Variants in FAM186A observed in about 807,000 individuals in gnomAD.
The protein encoded by FAM186A is protein FAM186A.
FAM186A carries 163 observed loss-of-function variants against 216.8 expected under a neutral mutation model. The observed-to-expected ratio is 0.75, with a 90% CI of 0.66 to 0.86. FAM186A has a LOEUF of 0.86. Among genes scored for constraint, FAM186A ranks in the 40% least tolerant of loss-of-function variants. The pLI is 0.00. For missense variants in FAM186A, 2,184 were observed against 2,746.2 expected, an observed-to-expected ratio of 0.80 and a Z score of 4.58; for synonymous variants, 805 against 1,025.3, an observed-to-expected ratio of 0.79 and a Z score of 4.10.
chr12:50,395,620 A>C (rs2136110309), intron 1 of FAM186A, among the ~76,000 whole-genome samples: 1 of 151,924 alleles, frequency 6.6e-6, no homozygotes, highest in African/African-American at 2.4e-5. Flanking sequence ...GACATTATGT[A>C]AACACTCTTT....
chr12:50,370,732 A>G (rs1943135912), intron 1 of FAM186A, among the ~76,000 whole-genome samples: 1 of 152,164 alleles, frequency 6.6e-6, no homozygotes. Flanking sequence ...ACAATAACCA[A>G]GAGGTAGAAG....
intron 1 of FAM186A, among the ~76,000 whole-genome samples, chr12:50,370,149 C>CAAAAAAAAAAAAAAAA (rs1196590077): frequency 1.5e-5 from 1 of 64,568 alleles, no homozygotes; most frequent in Non-Finnish European, 3.2e-5. Flanking sequence ...AAAAAAAAAG[C>CAAAAAAAAAAAAAAAA]AAAACTTAGC....
chr12:50,350,236 C>T, intron 4 of FAM186A, 93 bp downstream of exon 4: 2 of 1,168,746 alleles, frequency 1.7e-6, no homozygotes, highest in African/African-American at 1.5e-5. Context: ...GAACATATGG[C>T]CTGACAAATA....
chr12:50,334,587 C>T (rs1248594922), intron 4 of FAM186A, among the ~76,000 whole-genome samples: 1 of 152,046 alleles, frequency 6.6e-6, no homozygotes, highest in Admixed American at 6.6e-5. Context: ...AAGCGATTCT[C>T]ATGCCTCAGC....
intron 6 of FAM186A, among the ~76,000 whole-genome samples, chr12:50,330,966 A>G (rs1942651190): frequency 6.6e-6 from 1 of 152,150 alleles, no homozygotes. Context: ...GCATGGCTTC[A>G]CCTAGTAATC....
chr12:50,352,795 G>T lies in FAM186A; in HGVS notation c.4037C>A (p.Ala1346Asp), dbSNP rs558168593. 21 of 1,543,850 alleles carry T rather than the reference G, an allele frequency of 1.4e-5. No individual in the cohort carries two copies. The African/African-American group carries it at 2.7e-4, about 20-fold the overall frequency. Residue 1346 changes from alanine (A) to aspartate (D), a missense_variant, in exon 4 of 8, where the codon GCC becomes GAC. Around this residue, in one of 7 missense-constraint regions of FAM186A, gnomAD observed 267 missense variants for 446.2 expected, o/e 0.60. Transcript: ENST00000327337. ...EITLTPQQAQ[A>D]LGMPLTTQQA... ...CTGAGTGGTGAGAGGCATCCCCAAGGCCTGGGCCTGCTGAGGGGTGAGAGT... is the reference window on the plus strand; with the variant it reads ...CTGAGTGGTGAGAGGCATCCCCAAGTCCTGGGCCTGCTGAGGGGTGAGAGT...
intron 1 of FAM186A, among the ~76,000 whole-genome samples, chr12:50,369,496 CAAAA>C (rs35493660): frequency 3.5e-5 from 4 of 114,402 alleles, no homozygotes; most frequent in Admixed American, 1.0e-4. Context: ...GACTCCGTCT[CAAAA>C]AAAAAAAAAA....
intron 1 of FAM186A, among the ~76,000 whole-genome samples, chr12:50,381,766 C>A (rs1438120962): frequency 6.6e-6 from 1 of 152,068 alleles, no homozygotes; most frequent in African/African-American, 2.4e-5. Context: ...TTGAGAACAG[C>A]CTGGGCAATA....
At chr12:50,379,371 C>T (rs938201349) in intron 1 of FAM186A, among the ~76,000 whole-genome samples, 35 of 146,070 alleles carry the variant, frequency 2.4e-4, no homozygotes, top group Non-Finnish European at 4.5e-4. Context: ...ACCCAGGAGG[C>T]GGAGCTTGCA....
At chr12:50,332,710 G>T (rs1942667350) in intron 5 of FAM186A, among the ~76,000 whole-genome samples, 2 of 152,074 alleles carry the variant, frequency 1.3e-5, no homozygotes, top group African/African-American at 4.8e-5. Context: ...TCATTTTTTT[G>T]ACAAAGAGCT....
intron 1 of FAM186A, among the ~76,000 whole-genome samples, chr12:50,371,764 T>C (rs1255721495): frequency 6.6e-6 from 1 of 152,226 alleles, no homozygotes; most frequent in East Asian, 1.9e-4. Flanking sequence ...ACTATTGTAC[T>C]ATATACTTAA....
intron 5 of FAM186A, among the ~76,000 whole-genome samples, chr12:50,333,087 A>G (rs919552936): frequency 2.0e-5 from 3 of 152,178 alleles, no homozygotes; most frequent in African/African-American, 7.2e-5. Context: ...AATTTACAAT[A>G]TATGTTTGAC....
rs1199226314 is a variant in FAM186A, at chr12:50,350,881, G to A, written c.5951C>T (p.Thr1984Ile). The change falls in exon 4 of 8, where the codon ACC becomes ATC. Residue 1984 changes from threonine to isoleucine, a missense_variant. Around this residue, in one of 7 missense-constraint regions of FAM186A, gnomAD observed 721 missense variants for 816.4 expected, o/e 0.88. Transcript: ENST00000327337. Reference sequence around the variant, plus strand: ...CTCCGACATTTGGAACTTCTTAGTGGTGAAAGGAACTTGAGCTACCTTGAA... The same window carrying A: ...CTCCGACATTTGGAACTTCTTAGTGATGAAAGGAACTTGAGCTACCTTGAA... The part of the protein sequence containing the change: ...PDFKVAQVPF[T>I]TKKFQMSEVS... The A allele has an allele frequency of 6.4e-7, 1 of 1,551,698 alleles. No individual in the cohort carries two copies. Among genetic ancestry groups the A allele is most frequent in the Non-Finnish European group, 8.7e-7 (1 of 1,146,998 alleles).
chr12:50,348,685 A>G (rs1263447471), intron 4 of FAM186A, among the ~76,000 whole-genome samples: 1 of 151,146 alleles, frequency 6.6e-6, no homozygotes, highest in African/African-American at 2.4e-5. Flanking sequence ...CAGCCTCCCA[A>G]GTAGCTGGGA....
Position 50,355,184 on chromosome 12 carries a change from C to T in FAM186A, c.1648G>A (p.Val550Ile). The T allele has an allele frequency of 6.4e-7, 1 of 1,551,672 alleles. No individual in the cohort carries two copies. The highest frequency in any genetic ancestry group is 8.7e-7 in the Non-Finnish European group (1 of 1,146,990). Residue 550 changes from valine (V) to isoleucine (I), a missense_variant, in exon 4 of 8, where the codon GTC becomes ATC. Physicochemically the swap from Val to Ile is conservative, Grantham distance 29. This residue lies in a region of FAM186A where 1,132 missense variants were observed against 1,263.4 expected (regional missense o/e 0.90). Coordinates refer to ENST00000327337, the MANE Select transcript of FAM186A (RefSeq NM_001145475.3). ...TTGTCAAATGGAGATTCACGTTTGA[C>T]CTTCCTAAATTGCTCCAACATCATC... Reference protein sequence around the residue: ...SMMMLEQFRKVKRESPFDKRP... With the variant: ...SMMMLEQFRKIKRESPFDKRP...
intron 1 of FAM186A, among the ~76,000 whole-genome samples, chr12:50,368,916 A>G (rs1943115245): frequency 6.6e-6 from 1 of 151,762 alleles, no homozygotes; most frequent in Non-Finnish European, 1.5e-5. Flanking sequence ...AGGTTAAATT[A>G]TTTTCCATAA....
rs190247096 is a variant in FAM186A, at chr12:50,333,298, G to A, written c.6696+613C>T. 2.1e-4 allele frequency among the ~76,000 whole-genome samples: 32 copies of A among 152,140 alleles called. No individual in the cohort carries two copies. In the East Asian group the frequency reaches 6.0e-3, roughly 29 times the overall value. On this transcript the variant is annotated intron_variant, in intron 5 of 7. Transcript: ENST00000327337. ...TGTAATCCCAACACTTTGGGAGGTT[G>A]AGGCGGGTGGATCACCTGAGGTCAG...
chr12:50,327,540 C>CA, intron 7 of FAM186A, 136 bp from the exon 8 acceptor site: 1 of 475,768 alleles, frequency 2.1e-6, no homozygotes, highest in Non-Finnish European at 3.7e-6. Flanking sequence ...GTATGTAATC[C>CA]TTTTTTTTTT....
intron 4 of FAM186A, among the ~76,000 whole-genome samples, chr12:50,347,559 C>T (rs897347389): frequency 1.3e-5 from 2 of 151,750 alleles, no homozygotes; most frequent in African/African-American, 4.8e-5. Context: ...GGTGAAACCC[C>T]ATCCCTACTA....
Sources: gnomAD v4.1 joint callset for allele counts (sites outside exome capture counted in the v4.1 genomes callset) on GRCh38, gnomAD v4.1.1 for gene constraint, gnomAD v4.1.1 regional missense constraint, MANE v1.5 for transcripts, NCBI Gene and HGNC (gene_info 2026-07-23, HGNC 2026-07-21) for gene names.